The following FRMD4A variants were observed in gnomAD, a reference collection of about 807,000 sequenced individuals.
FRMD4A encodes FERM domain-containing protein 4A.
FRMD4A carries 29 observed loss-of-function variants against 129.1 expected under a neutral mutation model. The observed-to-expected ratio is 0.22, with a 90% CI of 0.17 to 0.31. The LOEUF (loss-of-function observed/expected upper bound fraction) is 0.31. FRMD4A is among the 10% of genes least tolerant of loss of function. The pLI, the probability that FRMD4A is intolerant of heterozygous loss-of-function variation, is 1.00. For synonymous variants in FRMD4A, 634 were observed against 571.6 expected (o/e 1.11, Z -1.56); for missense variants, 1,272 against 1,375.8 (o/e 0.92, Z 1.19).
intron 2 of FRMD4A, among the ~76,000 whole-genome samples, chr10:14,185,458 T>C (rs57222281): frequency 0.017 from 2,519 of 152,318 alleles, 75 homozygotes; most frequent in African/African-American, 0.056. Flanking sequence ...TGGCAGAAAT[T>C]AGTACAAAAA....
chr10:13,982,497 A>T (rs865780999), intron 2 of FRMD4A, among the ~76,000 whole-genome samples: 1 of 15,068 alleles, frequency 6.6e-5, no homozygotes, highest in African/African-American at 2.1e-4. Context: ...AGGGGAGGGG[A>T]GGGGGGGGAA....
chr10:14,297,432 G>C (rs982688910), intron 2 of FRMD4A, among the ~76,000 whole-genome samples: 1 of 151,930 alleles, frequency 6.6e-6, no homozygotes, highest in African/African-American at 2.4e-5. Context: ...GAGAACCAGG[G>C]TCAAAAAGGC....
chr10:13,647,743 T>G (rs1365107516), intron 24 of FRMD4A: 6 of 151,976 alleles, frequency 3.9e-5, no homozygotes, highest in African/African-American at 7.2e-5. Context: ...TTTTTTTTTT[T>G]TTTTTAAGTA....
At chr10:13,703,132 A>T (rs2134883361) in intron 13 of FRMD4A, among the ~76,000 whole-genome samples, 1 of 152,298 alleles carries the variant, frequency 6.6e-6, no homozygotes, top group Middle Eastern at 3.4e-3. Context: ...GAATTAGACA[A>T]GAACAGTATC....
intron 2 of FRMD4A, among the ~76,000 whole-genome samples, chr10:14,041,785 T>C (rs2131675258): frequency 6.6e-6 from 1 of 152,366 alleles, no homozygotes; most frequent in South Asian, 2.1e-4. Flanking sequence ...ATCTTATAAG[T>C]ATTTTTGAGT....
chr10:13,656,691 G>A lies in FRMD4A; in HGVS notation c.2898C>T (p.Thr966=). The change falls in exon 22 of 25, where the codon ACC becomes ACT. Residue 966 remains threonine (T), a synonymous_variant. Transcript: ENST00000357447. The part of the protein sequence containing the change: ...GSQYSTSSQS[T]FVAHSRVTRM... ...TGGTGACCCTGCTGTGCGCCACGAA[G>A]GTGCTCTGGGAGGAGGTGCTGTACT... The A allele has an allele frequency of 2.6e-6, 4 of 1,566,072 alleles. No homozygotes were observed. Among genetic ancestry groups the A allele is most frequent in the Non-Finnish European group, 2.6e-6 (3 of 1,156,416 alleles).
chr10:13,988,611 T>C (rs1216180153), intron 2 of FRMD4A, among the ~76,000 whole-genome samples: 1 of 152,172 alleles, frequency 6.6e-6, no homozygotes, highest in Middle Eastern at 3.2e-3. Flanking sequence ...GATGAATGGA[T>C]GGGTACATGG....
intron 3 of FRMD4A, among the ~76,000 whole-genome samples, chr10:13,817,245 G>A (rs2093559280): frequency 6.6e-6 from 1 of 152,196 alleles, no homozygotes; most frequent in South Asian, 2.1e-4. Context: ...AGGGAAGAAA[G>A]GAGAGGAGCT....
intron 6 of FRMD4A, among the ~76,000 whole-genome samples, chr10:13,773,460 T>C (rs969380117): frequency 6.6e-6 from 1 of 152,214 alleles, no homozygotes; most frequent in Non-Finnish European, 1.5e-5. Context: ...CAAGGAACTA[T>C]CAAAGTACTT....
intron 2 of FRMD4A, among the ~76,000 whole-genome samples, chr10:14,032,370 G>A (rs1833286150): frequency 6.6e-6 from 1 of 152,220 alleles, no homozygotes; most frequent in Non-Finnish European, 1.5e-5. Flanking sequence ...ATTGCCAAAT[G>A]TCTGTCATGT....
At chr10:14,153,747 C>T (rs78339225) in intron 2 of FRMD4A, among the ~76,000 whole-genome samples, 59 of 152,298 alleles carry the variant, frequency 3.9e-4, no homozygotes, top group South Asian at 2.1e-3. Flanking sequence ...TCTGGCCAAT[C>T]GCCTTTGGCA....
chr10:13,962,936 G>GA (rs1266023222), intron 2 of FRMD4A, among the ~76,000 whole-genome samples: 1 of 152,174 alleles, frequency 6.6e-6, no homozygotes, highest in African/African-American at 2.4e-5. Flanking sequence ...TCAGATTCAA[G>GA]AATATTTCAT....
rs569311232 is a variant in FRMD4A at position 14,016,146 on chromosome 10, A to G, written c.46-157234T>C. ...TGAGTCTGCATGTGAAAATGTCATC[A>G]CAAGGGGAAGTAGACCTGGCCCTCT... On this transcript the variant is annotated intron_variant, in intron 2 of 24. Coordinates refer to ENST00000357447, the MANE Select transcript of FRMD4A (RefSeq NM_018027.5). Among the ~76,000 whole-genome samples, 21 of 152,370 alleles carry G rather than the reference A, an allele frequency of 1.4e-4. No homozygotes were observed. In the East Asian group the frequency reaches 3.3e-3, roughly 24 times the overall value.
At chr10:13,814,030 C>T (rs2093493250) in intron 3 of FRMD4A, among the ~76,000 whole-genome samples, 1 of 152,192 alleles carries the variant, frequency 6.6e-6, no homozygotes, top group Admixed American at 6.5e-5. Context: ...AGGCTTGTGT[C>T]AGATTTGTCA....
In FRMD4A at chr10:13,656,629, C is replaced by A; in HGVS notation, c.2953+7G>T. On this transcript the variant is annotated splice_region_variant and intron_variant, in intron 22 of 24. Transcript: ENST00000357447. ...CTTCCCGCGTGCACCTGGCCGCCCC[C>A]TCTCACCTGACGTGGCCTTGCACAT... 1 of 1,408,378 alleles carries A rather than the reference C, an allele frequency of 7.1e-7. No individual in the cohort carries two copies. The highest frequency in any genetic ancestry group is 9.3e-7 in the Non-Finnish European group (1 of 1,072,356). The allele number at this position is 1,408,378 out of a possible 1,614,324, so 87.2% of individuals were successfully genotyped here. A position where few individuals can be genotyped will look rare whatever the true frequency, so the allele number is the denominator to read the frequency against.
intron 2 of FRMD4A, among the ~76,000 whole-genome samples, chr10:14,179,693 G>A (rs939815712): frequency 6.6e-6 from 1 of 152,130 alleles, no homozygotes; most frequent in Non-Finnish European, 1.5e-5. Context: ...ATTATATAGC[G>A]ATTAACATTC....
chr10:14,046,267 A>G (rs1054942487), intron 2 of FRMD4A, among the ~76,000 whole-genome samples: 6 of 152,178 alleles, frequency 3.9e-5, no homozygotes, highest in African/African-American at 1.4e-4. Flanking sequence ...TTAAAACACA[A>G]TTGGACCTTA....
intron 2 of FRMD4A, among the ~76,000 whole-genome samples, chr10:14,134,246 AGAATGGATGGAT>A: frequency 9.3e-6 from 1 of 107,546 alleles, no homozygotes; most frequent in Admixed American, 9.2e-5. Flanking sequence ...AGAATTGGAA[AGAATGGATGGAT>A]GGATGGATGG....
At chr10:13,739,755 T>C (rs2090874965) in intron 11 of FRMD4A, among the ~76,000 whole-genome samples, 1 of 152,204 alleles carries the variant, frequency 6.6e-6, no homozygotes, top group Non-Finnish European at 1.5e-5. Context: ...GTGTGCAATC[T>C]TCCTGACCAA....
Sources: allele counts gnomAD v4.1 joint callset (sites outside exome capture counted in the v4.1 genomes callset), GRCh38; gene constraint gnomAD v4.1.1; transcripts MANE v1.5; gene names NCBI Gene and HGNC (gene_info 2026-07-23, HGNC 2026-07-21).